Variants in GPAT4 observed in about 807,000 individuals in gnomAD.
GPAT4 encodes 1-AGP acyltransferase 6.
Under a neutral mutation model 58.0 loss-of-function variants are expected in GPAT4, and 17 were observed. That is an observed-to-expected ratio of 0.29 (90% CI 0.20 to 0.44). The LOEUF (loss-of-function observed/expected upper bound fraction) is 0.44, where lower values mean the gene tolerates loss of function less well. Among genes scored for constraint, GPAT4 ranks in the 20% least tolerant of loss-of-function variants. GPAT4 has a pLI of 1.00. For synonymous variants in GPAT4, 204 were observed against 210.1 expected, an observed-to-expected ratio of 0.97 and a Z score of 0.25; for missense variants, 377 against 574.5, an observed-to-expected ratio of 0.66 and a Z score of 3.51.
At chr8:41,582,160 C>T (rs1363019432) in intron 1 of GPAT4, among the ~76,000 whole-genome samples, 4 of 151,666 alleles carry the variant, frequency 2.6e-5, no homozygotes, top group African/African-American at 4.8e-5. Context: ...TGCGCCACCA[C>T]GCCCAGTTAA....
chr8:41,585,616 A>C (rs1802631885), intron 1 of GPAT4, among the ~76,000 whole-genome samples: 2 of 152,236 alleles, frequency 1.3e-5, no homozygotes, highest in African/African-American at 4.8e-5. Flanking sequence ...CAGTCTTGAC[A>C]ACAATACCAC....
At chr8:41,587,368 A>G (rs7822578) in intron 1 of GPAT4, among the ~76,000 whole-genome samples, 70,937 of 152,054 alleles carry the variant, frequency 0.47, 16,916 homozygotes, top group African/African-American at 0.55. Context: ...TGGGAAATAC[A>G]TTCAAATTCC....
At chr8:41,598,257 G>C (rs572974292) in intron 1 of GPAT4, 35 bp from the exon 2 acceptor site, 1 of 152,314 alleles carries the variant, frequency 6.6e-6, no homozygotes. Context: ...CTCTTGATTT[G>C]TGTGACTGAC....
At chr8:41,619,072 T>A in intron 12 of GPAT4, 95 bp downstream of exon 12, 3 of 1,440,988 alleles carry the variant, frequency 2.1e-6, no homozygotes, top group Non-Finnish European at 2.9e-6. Context: ...TGTGGAGAAT[T>A]AAACTTGTCA....
chr8:41,585,144 G>A (rs1802618348), intron 1 of GPAT4, among the ~76,000 whole-genome samples: 1 of 152,150 alleles, frequency 6.6e-6, no homozygotes, highest in South Asian at 2.1e-4. Context: ...CGATACACTC[G>A]ACGTTAAATT....
intron 1 of GPAT4, among the ~76,000 whole-genome samples, chr8:41,590,051 A>C (rs912747166): frequency 6.6e-6 from 1 of 152,134 alleles, no homozygotes; most frequent in Non-Finnish European, 1.5e-5. Flanking sequence ...ACCACCACCA[A>C]ATTCTGATAA....
chr8:41,594,828 AGCCACCGTGCCCG>A (rs1220436938), intron 1 of GPAT4, among the ~76,000 whole-genome samples: 3 of 152,128 alleles, frequency 2.0e-5, no homozygotes, highest in Non-Finnish European at 4.4e-5. Context: ...TTCAGGCGTA[AGCCACCGTGCCCG>A]GCCCAAACTT....
At position 41,582,690 on chromosome 8, in the gene GPAT4, T is replaced by TGTGTGG. The variant is rs1554500396; in HGVS notation, c.-849+4417_-849+4422dup. On this transcript the variant is annotated intron_variant, in intron 1 of 12. Transcript: ENST00000396987. ...GAGAGAGAGAGTGTGTGTGTGTGTG[T>TGTGTGG]GTGTGGGTGTATCTCAAAACATCAC... is the stretch of plus-strand genomic sequence containing the variant. 2.0e-5 allele frequency among the ~76,000 whole-genome samples: 3 copies of TGTGTGG among 151,722 alleles called. 1 individual carries two copies. Among genetic ancestry groups the TGTGTGG allele is most frequent in the Admixed American group, 1.3e-4 (2 of 15,218 alleles).
chr8:41,593,844 G>A (rs1802855501), intron 1 of GPAT4, among the ~76,000 whole-genome samples: 1 of 152,140 alleles, frequency 6.6e-6, no homozygotes, highest in African/African-American at 2.4e-5. Context: ...TTAAATGTGG[G>A]GACATCAGCA....
intron 2 of GPAT4, among the ~76,000 whole-genome samples, chr8:41,601,758 T>C (rs1207893478): frequency 1.3e-5 from 2 of 152,248 alleles, no homozygotes; most frequent in African/African-American, 4.8e-5. Flanking sequence ...ATTAATACTT[T>C]AAAGTTTATA....
rs1238306469 is a variant in GPAT4, at chr8:41,592,051, G to A, written c.-848-6241G>A. ...GAGCCATCTTGTGCCCAATTAGCAG[G>A]CCCATAATATGGTATGATTCTCTTA... On this transcript the variant is annotated intron_variant, in intron 1 of 12. Transcript: ENST00000396987. Among the ~76,000 whole-genome samples, 3 of 152,192 alleles carry A rather than the reference G, an allele frequency of 2.0e-5. No homozygotes were observed. The East Asian group carries it at 5.8e-4, about 29-fold the overall frequency.
chr8:41,605,401 T>C (rs1365985769), intron 2 of GPAT4, among the ~76,000 whole-genome samples: 4 of 152,204 alleles, frequency 2.6e-5, no homozygotes, highest in Non-Finnish European at 2.9e-5. Context: ...GATAGAGCAT[T>C]CTAGAAGCAC....
intron 10 of GPAT4, among the ~76,000 whole-genome samples, chr8:41,616,054 G>C (rs2150505908): frequency 6.6e-6 from 1 of 152,318 alleles, no homozygotes; most frequent in East Asian, 1.9e-4. Context: ...TCTGGAAACA[G>C]CAGGAAAGAG....
At chr8:41,579,766 A>C (rs1240954379) in intron 1 of GPAT4, among the ~76,000 whole-genome samples, 2 of 151,980 alleles carry the variant, frequency 1.3e-5, no homozygotes, top group African/African-American at 4.8e-5. Context: ...TGAACCCAGG[A>C]GGCAGAGGTT....
Position 41,609,412 on chromosome 8 carries a change from C to A in GPAT4, c.166-4C>A, listed in dbSNP as rs746646081. ...TCTTGTATCTTGCTTCCTTCCCCTC[C>A]CAGTGGGCTACCTTGAGAATGGAGC... On this transcript the variant is annotated splice_polypyrimidine_tract_variant and splice_region_variant and intron_variant, in intron 2 of 12. Coordinates refer to ENST00000396987, the MANE Select transcript of GPAT4 (RefSeq NM_178819.4). 7 of 1,614,054 alleles carry A rather than the reference C, an allele frequency of 4.3e-6. No individual in the cohort carries two copies. In the Admixed American group the frequency reaches 1.2e-4, roughly 27 times the overall value.
intron 1 of GPAT4, among the ~76,000 whole-genome samples, chr8:41,581,495 A>C (rs928884777): frequency 6.6e-6 from 1 of 152,210 alleles, no homozygotes; most frequent in Non-Finnish European, 1.5e-5. Context: ...TCTGTGGCTC[A>C]GGCTGGAGTG....
intron 10 of GPAT4, among the ~76,000 whole-genome samples, chr8:41,617,587 A>T (rs11784433): frequency 0.56 from 84,381 of 151,972 alleles, 24,042 homozygotes; most frequent in Middle Eastern, 0.71. Flanking sequence ...ATTGTCCAGT[A>T]TTTATACTGT....
Position 41,621,083 on chromosome 8 carries a change from G to A in GPAT4, c.*82G>A, listed in dbSNP as rs1435053360. On this transcript the variant is annotated 3_prime_UTR_variant, in exon 13 of 13. Coordinates refer to ENST00000396987, the MANE Select transcript of GPAT4 (RefSeq NM_178819.4). ...AGTTGCCGCCGCCGCCCCCACTGCT[G>A]TGTCCTTTCCAGACTCCAGGGCTCC... 1.3e-6 allele frequency: 2 copies of A among 1,529,708 alleles called. No homozygotes were observed. The highest frequency in any genetic ancestry group is 1.4e-5 in the African/African-American group (1 of 72,772). 94.8% of individuals were successfully genotyped at this position (1,529,708 alleles called of 1,614,324 possible).
At chr8:41,596,077 G>T (rs1230373027) in intron 1 of GPAT4, among the ~76,000 whole-genome samples, 5 of 152,158 alleles carry the variant, frequency 3.3e-5, no homozygotes, top group Admixed American at 2.0e-4. Context: ...CACCTCTAAT[G>T]TTGGCCAGTC....
Sources: gnomAD v4.1 joint callset for allele counts (sites outside exome capture counted in the v4.1 genomes callset) on GRCh38, gnomAD v4.1.1 for gene constraint, MANE v1.5 for transcripts, NCBI Gene and HGNC (gene_info 2026-07-23, HGNC 2026-07-21) for gene names.